Variants in PRKCB observed in about 807,000 individuals in gnomAD.
The protein encoded by PRKCB is protein kinase C beta, also known as protein kinase C beta type.
In PRKCB, 13 loss-of-function variants were observed where a neutral mutation model predicts 81.5. The ratio of observed to expected loss-of-function variants is 0.16; its 90% CI spans 0.10 to 0.25. The LOEUF is 0.25. Among genes scored for constraint, PRKCB ranks in the 10% least tolerant of loss-of-function variants. The probability of loss-of-function intolerance (pLI) is 1.00; values close to 1 mark genes in which losing one functional copy is unlikely to be tolerated. For synonymous variants in PRKCB, 335 were observed against 321.4 expected (o/e 1.04, Z -0.45); for missense variants, 509 against 875.7 (o/e 0.58, Z 5.29).
intron 16 of PRKCB, among the ~76,000 whole-genome samples, chr16:24,205,037 T>C (rs1056808023): frequency 6.6e-6 from 1 of 151,834 alleles, no homozygotes; most frequent in African/African-American, 2.4e-5. Context: ...GGAGAATCGC[T>C]TGAACCCGGG....
rs531259742 is a variant in PRKCB at position 23,875,707 on chromosome 16, T to C, written c.205+38301T>C. Among the ~76,000 whole-genome samples, 53 of 99,902 alleles carry C rather than the reference T, an allele frequency of 5.3e-4. 1 individual carries two copies. The highest frequency in any genetic ancestry group is 8.0e-4 in the Non-Finnish European group (35 of 43,766). 65.5% of individuals were successfully genotyped at this position (99,902 alleles called of 152,430 possible). ...CACATATATGTATGTATATCACACA[T>C]ATATATGTATGTATATCACACATAT... On this transcript the variant is annotated intron_variant, in intron 2 of 16. Transcript: ENST00000643927.
chr16:23,913,066 G>A (rs936590906), intron 2 of PRKCB, among the ~76,000 whole-genome samples: 5 of 152,066 alleles, frequency 3.3e-5, no homozygotes, highest in Non-Finnish European at 7.4e-5. Context: ...CTCTCCAAAT[G>A]CTGGGATTGC....
intron 9 of PRKCB, among the ~76,000 whole-genome samples, chr16:24,149,562 A>G (rs747810477): frequency 6.6e-6 from 1 of 152,228 alleles, no homozygotes; most frequent in Non-Finnish European, 1.5e-5. Flanking sequence ...ATATCTGGTG[A>G]TTATAATCAA....
chr16:24,181,054 T>A (rs1449432962), intron 13 of PRKCB, 126 bp downstream of exon 13: 1 of 1,229,864 alleles, frequency 8.1e-7, no homozygotes, highest in African/African-American at 1.5e-5. Context: ...ATTCTTATTC[T>A]ATACTCTAAA....
intron 2 of PRKCB, among the ~76,000 whole-genome samples, chr16:23,898,907 A>G (rs1031492472): frequency 6.6e-6 from 1 of 152,196 alleles, no homozygotes. Context: ...GTGATCGTGT[A>G]TACTTCATCA....
chr16:24,206,499 G>T (rs1968048007), intron 16 of PRKCB, among the ~76,000 whole-genome samples: 1 of 152,182 alleles, frequency 6.6e-6, no homozygotes, highest in Non-Finnish European at 1.5e-5. Context: ...ATCAAAGTCG[G>T]CTAGGCAACA....
intron 2 of PRKCB, among the ~76,000 whole-genome samples, chr16:23,982,327 C>T (rs1340332975): frequency 1.1e-4 from 15 of 137,166 alleles, no homozygotes; most frequent in African/African-American, 4.3e-4. Context: ...TTTCCCTTCC[C>T]CTTCCCTTTC....
chr16:23,933,438 G>A (rs182799048), intron 2 of PRKCB, among the ~76,000 whole-genome samples: 125 of 152,228 alleles, frequency 8.2e-4, no homozygotes, highest in African/African-American at 2.8e-3. Context: ...GTTAATTCAA[G>A]CCAGAAGATT....
chr16:23,914,683 T>C (rs1422335079), intron 2 of PRKCB, among the ~76,000 whole-genome samples: 2 of 152,154 alleles, frequency 1.3e-5, no homozygotes, highest in Non-Finnish European at 2.9e-5. Context: ...GCACAGCCCT[T>C]AGAACAGGGA....
intron 5 of PRKCB, among the ~76,000 whole-genome samples, chr16:24,070,333 G>T (rs1176635060): frequency 6.6e-6 from 1 of 151,742 alleles, no homozygotes; most frequent in Non-Finnish European, 1.5e-5. Context: ...ATTTTCAGTA[G>T]CGACGGATTT....
chr16:24,183,036 T>A (rs1337017578), intron 13 of PRKCB, among the ~76,000 whole-genome samples: 1 of 152,042 alleles, frequency 6.6e-6, no homozygotes, highest in South Asian at 2.1e-4. Context: ...TTTTTTGTAT[T>A]TTTTTAGTAG....
In PRKCB at chr16:24,216,153, G is replaced by GC; in HGVS notation, c.*1338dup. On this transcript the variant is annotated 3_prime_UTR_variant, in exon 17 of 17. Coordinates refer to ENST00000643927, the MANE Select transcript of PRKCB (RefSeq NM_002738.7). ...CCCCAGTGTTCAGCCACTCGGAGGG[G>GC]CGGGGGCTGTGGCCCATTCAGGGGC... is the stretch of plus-strand genomic sequence containing the variant. The GC allele has an allele frequency of 1.0e-6, 1 of 985,532 alleles. No homozygotes were observed. Among genetic ancestry groups the GC allele is most frequent in the Non-Finnish European group, 1.2e-6 (1 of 830,030 alleles). The allele number at this position is 985,532 out of a possible 1,614,324, so 61.0% of individuals were successfully genotyped here.
chr16:24,186,599 C>T (rs1219366401), intron 15 of PRKCB, among the ~76,000 whole-genome samples: 1 of 152,260 alleles, frequency 6.6e-6, no homozygotes, highest in Non-Finnish European at 1.5e-5. Flanking sequence ...GCTGCCAGTC[C>T]TAGATCTGTG....
chr16:23,983,695 G>C (rs1245402621), intron 2 of PRKCB, among the ~76,000 whole-genome samples: 1 of 151,890 alleles, frequency 6.6e-6, no homozygotes, highest in Non-Finnish European at 1.5e-5. Flanking sequence ...TCTCCAAAGG[G>C]GATAAAGATG....
chr16:24,016,158 A>G (rs1175569352), intron 3 of PRKCB, among the ~76,000 whole-genome samples: 1 of 152,022 alleles, frequency 6.6e-6, no homozygotes, highest in East Asian at 1.9e-4. Context: ...CTAGACAGTT[A>G]AGGTTAACTA....
intron 5 of PRKCB, among the ~76,000 whole-genome samples, chr16:24,082,886 T>TAAAC (rs1230704271): frequency 9.2e-5 from 14 of 152,170 alleles, no homozygotes; most frequent in Non-Finnish European, 1.9e-4. Context: ...AACTTTTATT[T>TAAAC]TGCAAGAAAC....
chr16:23,955,981 A>G (rs546613815), intron 2 of PRKCB, among the ~76,000 whole-genome samples: 3 of 152,270 alleles, frequency 2.0e-5, no homozygotes, highest in South Asian at 2.1e-4. Context: ...GACTGTGATG[A>G]TGTATAACTG....
At chr16:23,837,545 A>G in intron 2 of PRKCB, 139 bp downstream of exon 2, 1 of 1,072,146 alleles carries the variant, frequency 9.3e-7, no homozygotes, top group South Asian at 1.5e-5. Context: ...ATTCTTCACC[A>G]CAACAGGGTC....
intron 2 of PRKCB, among the ~76,000 whole-genome samples, chr16:23,894,980 G>A (rs191512978): frequency 4.6e-5 from 7 of 152,144 alleles, no homozygotes; most frequent in African/African-American, 2.4e-5. Flanking sequence ...AGCATAAATG[G>A]CAAAGGATTT....
Sources: gnomAD v4.1 joint callset for allele counts (sites outside exome capture counted in the v4.1 genomes callset) on GRCh38, gnomAD v4.1.1 for gene constraint, MANE v1.5 for transcripts, NCBI Gene and HGNC (gene_info 2026-07-23, HGNC 2026-07-21) for gene names.